NWD1: variants seen among roughly 807,000 people sequenced by gnomAD.
NWD1 encodes the protein NACHT and WD repeat domain containing 1, also known as NACHT domain- and WD repeat-containing protein 1.
In NWD1, 129 loss-of-function variants were observed where a neutral mutation model predicts 135.1. That is an observed-to-expected ratio of 0.96 (90% CI 0.83 to 1.11). The LOEUF is 1.11. Ranked by LOEUF, NWD1 falls within the 50% of genes least tolerant of loss-of-function variation. NWD1 has a pLI of 0.00. For missense variants in NWD1, 1,740 were observed against 1,851.3 expected (o/e 0.94, Z 1.10); for synonymous variants, 773 against 786.0 (o/e 0.98, Z 0.28).
Position 16,797,755 on chromosome 19 carries a change from T to C in NWD1, c.3328T>C (p.Phe1110Leu). 3 of 1,614,104 alleles carry C rather than the reference T, an allele frequency of 1.9e-6. No individual in the cohort carries two copies. Among genetic ancestry groups the C allele is most frequent in the African/African-American group, 1.3e-5 (1 of 75,050 alleles). The part of the protein sequence containing the change: ...AAGFGRSVRI[F>L]LADSRGFRRF... ...AGGCTTTGGAAGATCGGTGCGGATA[T>C]TCTTGGCGGACTCGAGGGGCTTTCG... Residue 1110 changes from phenylalanine (F) to leucine (L), a missense_variant, in exon 16 of 19, where the codon TTC (phenylalanine) becomes CTC (leucine). Phe to Leu is a conservative substitution (Grantham distance 22). Transcript: ENST00000524140.
At chr19:16,733,816 G>C (rs1372621804) in intron 3 of NWD1, among the ~76,000 whole-genome samples, 1 of 152,044 alleles carries the variant, frequency 6.6e-6, no homozygotes, top group Non-Finnish European at 1.5e-5. Context: ...CCCTCCAGAA[G>C]CACAAGCTCC....
intron 4 of NWD1, among the ~76,000 whole-genome samples, chr19:16,740,193 G>T (rs28378317): frequency 1.3e-5 from 2 of 151,696 alleles, no homozygotes; most frequent in Non-Finnish European, 2.9e-5. Context: ...TAGCTGCTCC[G>T]GAGGCTGAGA....
At position 16,750,075 on chromosome 19, in the gene NWD1, C is replaced by A. The variant is rs1357540370; in HGVS notation, c.1433C>A (p.Thr478Asn). Residue 478 changes from threonine to asparagine, a missense_variant, in exon 6 of 19, where the codon ACC (threonine) becomes AAC (asparagine). Thr to Asn is a moderately conservative substitution (Grantham distance 65). Coordinates refer to ENST00000524140, the MANE Select transcript of NWD1 (RefSeq NM_001007525.5). ...TCGGGGGCACTGGGGGTTTTGGACA[C>A]CTTGCAGCGGGTGCTCCTGGACCCG... ...ACSGALGVLDTLQRVLLDPEA... is the reference protein window; with the variant it reads ...ACSGALGVLDNLQRVLLDPEA... The A allele has an allele frequency of 2.5e-6, 4 of 1,614,046 alleles. No homozygotes were observed. In the Admixed American group the frequency reaches 5.0e-5, roughly 20 times the overall value.
chr19:16,779,382 T>A lies in NWD1; in HGVS notation c.2648T>A (p.Leu883Gln). The change falls in exon 12 of 19, where the codon CTG becomes CAG. Residue 883 changes from leucine to glutamine, a missense_variant. Transcript: ENST00000524140. The part of the protein sequence containing the change: ...AMAWGVEEKL[L>Q]VIGTQDGIMA... ...GCATGGGGTGTGGAGGAGAAGCTGC[T>A]GGTGATTGGCACCCAGGATGGCATC... The A allele has an allele frequency of 6.2e-7, 1 of 1,613,894 alleles. No homozygotes were observed. The highest frequency in any genetic ancestry group is 1.7e-4 in the Middle Eastern group (1 of 6,060).
At chr19:16,726,087 G>A (rs1435028131) in intron 2 of NWD1, among the ~76,000 whole-genome samples, 2 of 150,682 alleles carry the variant, frequency 1.3e-5, no homozygotes. Context: ...CTCAGCCTCC[G>A]GAGTAGCTAG....
At chr19:16,780,225 G>A (rs1254572883) in intron 12 of NWD1, among the ~76,000 whole-genome samples, 3 of 149,862 alleles carry the variant, frequency 2.0e-5, no homozygotes, top group East Asian at 2.0e-4. Context: ...GTGCAATCTC[G>A]GCTCACTGTA....
intron 4 of NWD1, 82 bp from the exon 5 acceptor site, chr19:16,744,339 C>A: frequency 8.2e-7 from 1 of 1,226,558 alleles, no homozygotes; most frequent in South Asian, 1.4e-5. Flanking sequence ...GTTGTACCAC[C>A]GCACTCCAGC....
intron 12 of NWD1, among the ~76,000 whole-genome samples, chr19:16,786,456 G>T (rs1273514271): frequency 2.0e-5 from 3 of 152,070 alleles, no homozygotes; most frequent in African/African-American, 7.2e-5. Flanking sequence ...AGTGAGCATG[G>T]TACCCAAGAG....
At chr19:16,808,285 C>G (rs1257617932) in intron 18 of NWD1, 149 bp downstream of exon 18, 3 of 711,498 alleles carry the variant, frequency 4.2e-6, no homozygotes, top group Non-Finnish European at 7.0e-6. Flanking sequence ...CGCAGTGGCT[C>G]ACGCCTGTAA....
chr19:16,732,760 G>A (rs1287423919), intron 3 of NWD1, among the ~76,000 whole-genome samples: 1 of 151,186 alleles, frequency 6.6e-6, no homozygotes, highest in Non-Finnish European at 1.5e-5. Context: ...TCAGCCTTCT[G>A]AGGAGCTGAA....
chr19:16,758,513 G>T (rs1439871756), intron 6 of NWD1, among the ~76,000 whole-genome samples: 1 of 152,120 alleles, frequency 6.6e-6, no homozygotes, highest in African/African-American at 2.4e-5. Context: ...CTGGCCTCGA[G>T]CAGTCCTCCT....
At chr19:16,754,286 A>G (rs1261729630) in intron 6 of NWD1, among the ~76,000 whole-genome samples, 1 of 145,216 alleles carries the variant, frequency 6.9e-6, no homozygotes, top group Admixed American at 6.9e-5. Flanking sequence ...TATTCCATCC[A>G]TCCATCCACC....
At chr19:16,762,547 C>T (rs1297141112) in intron 8 of NWD1, among the ~76,000 whole-genome samples, 1 of 150,208 alleles carries the variant, frequency 6.7e-6, no homozygotes, top group Non-Finnish European at 1.5e-5. Flanking sequence ...GAGAGAAACT[C>T]TGTCTCAAAA....
intron 5 of NWD1, among the ~76,000 whole-genome samples, chr19:16,745,488 G>A (rs1356950889): frequency 2.6e-5 from 4 of 151,424 alleles, no homozygotes; most frequent in African/African-American, 7.3e-5. Flanking sequence ...CAGAATTTTG[G>A]AAGGCCGAGG....
chr19:16,760,575 A>G (rs1176439425), intron 7 of NWD1, among the ~76,000 whole-genome samples: 4 of 149,054 alleles, frequency 2.7e-5, no homozygotes, highest in Middle Eastern at 3.4e-3. Context: ...ACCACATTTT[A>G]TTTTATTTAT....
At chr19:16,736,574 T>G in intron 3 of NWD1, 60 bp from the exon 4 acceptor site, 1 of 1,100,142 alleles carries the variant, frequency 9.1e-7, no homozygotes, top group Middle Eastern at 1.9e-4. Context: ...CAAAAGGGAT[T>G]GAAAAAACAA....
At chr19:16,763,697 G>C in intron 8 of NWD1, 131 bp from the exon 9 acceptor site, 1 of 667,226 alleles carries the variant, frequency 1.5e-6, no homozygotes, top group Non-Finnish European at 2.7e-6. Context: ...GCACATGGGG[G>C]TATGTCTGTC....
intron 14 of NWD1, among the ~76,000 whole-genome samples, chr19:16,792,543 G>T (rs1334846062): frequency 6.6e-6 from 1 of 152,080 alleles, no homozygotes; most frequent in Admixed American, 6.6e-5. Flanking sequence ...TTAGCCGGGC[G>T]TGGTGGTGAG....
chr19:16,734,051 A>C (rs1380200053), intron 3 of NWD1, among the ~76,000 whole-genome samples: 1 of 151,966 alleles, frequency 6.6e-6, no homozygotes, highest in Non-Finnish European at 1.5e-5. Context: ...AGCTTTGCCT[A>C]CCTGAACTGA....
Sources: gnomAD v4.1 joint callset for allele counts (sites outside exome capture counted in the v4.1 genomes callset) on GRCh38, gnomAD v4.1.1 for gene constraint, MANE v1.5 for transcripts, NCBI Gene and HGNC (gene_info 2026-07-23, HGNC 2026-07-21) for gene names.